HS3ST5: variants seen among roughly 807,000 people sequenced by gnomAD.
The protein encoded by HS3ST5 is heparan sulfate glucosamine 3-O-sulfotransferase 5.
A neutral mutation model predicts 25.4 loss-of-function variants in HS3ST5; 10 were observed. The observed-to-expected ratio is 0.39, with a 90% CI of 0.24 to 0.67. HS3ST5 has a LOEUF of 0.67. HS3ST5 is among the 30% of genes least tolerant of loss of function. HS3ST5 has a pLI of 0.44. For missense variants in HS3ST5, 324 were observed against 420.7 expected (o/e 0.77, Z 2.01); for synonymous variants, 170 against 162.4 (o/e 1.05, Z -0.36).
chr6:114,101,537 A>G (rs546458011), intron 3 of HS3ST5, among the ~76,000 whole-genome samples: 1 of 152,330 alleles, frequency 6.6e-6, no homozygotes, highest in South Asian at 2.1e-4. Context: ...ATTTTCAATA[A>G]AGAAAACTGT....
At chr6:114,180,004 C>G (rs1038136516) in intron 2 of HS3ST5, among the ~76,000 whole-genome samples, 6 of 152,114 alleles carry the variant, frequency 3.9e-5, no homozygotes, top group African/African-American at 1.4e-4. Flanking sequence ...TCTTCTTCCA[C>G]CTTCTTCTGC....
chr6:114,106,949 A>G (rs1027809324), intron 3 of HS3ST5, among the ~76,000 whole-genome samples: 1 of 152,122 alleles, frequency 6.6e-6, no homozygotes, highest in African/African-American at 2.4e-5. Context: ...CAAATGGTAT[A>G]TTTAAAAAAA....
intron 3 of HS3ST5, among the ~76,000 whole-genome samples, chr6:114,113,769 A>G (rs573822496): frequency 2.0e-5 from 3 of 152,130 alleles, no homozygotes; most frequent in African/African-American, 7.2e-5. Context: ...ACGCTAGTCT[A>G]TAAGTTAACA....
intron 1 of HS3ST5, among the ~76,000 whole-genome samples, chr6:114,238,376 T>G (rs1380055542): frequency 6.6e-6 from 1 of 152,216 alleles, no homozygotes; most frequent in African/African-American, 2.4e-5. Context: ...TGTAGAAGAT[T>G]GGCTGTGGCA....
intron 3 of HS3ST5, among the ~76,000 whole-genome samples, chr6:114,156,440 T>C (rs1489804506): frequency 1.3e-5 from 2 of 152,256 alleles, no homozygotes; most frequent in African/African-American, 4.8e-5. Context: ...TATTTTGTAG[T>C]TGTGCTTAAG....
chr6:114,057,207 G>A lies in HS3ST5; in HGVS notation c.*50C>T. Reference sequence around the variant, plus strand: ...AAAGTGCATATTTTAATCTACAGGAGACATTGTGTGTCTCCAGGCACAACA... The same window carrying A: ...AAAGTGCATATTTTAATCTACAGGAAACATTGTGTGTCTCCAGGCACAACA... On this transcript the variant is annotated 3_prime_UTR_variant, in exon 5 of 5. Coordinates refer to ENST00000312719, the MANE Select transcript of HS3ST5 (RefSeq NM_153612.4). The A allele has an allele frequency of 1.5e-6, 2 of 1,295,946 alleles. No individual in the cohort carries two copies. The highest frequency in any genetic ancestry group is 1.3e-5 in the South Asian group (1 of 76,270). The allele number at this position is 1,295,946 out of a possible 1,614,324, so 80.3% of individuals were successfully genotyped here. A position where few individuals can be genotyped will look rare whatever the true frequency, so the allele number is the denominator to read the frequency against.
intron 1 of HS3ST5, among the ~76,000 whole-genome samples, chr6:114,287,889 T>C (rs1774405883): frequency 6.6e-6 from 1 of 152,052 alleles, no homozygotes; most frequent in South Asian, 2.1e-4. Context: ...AAGATGAGAA[T>C]GTCCCCTTTG....
intron 2 of HS3ST5, among the ~76,000 whole-genome samples, chr6:114,209,834 T>C (rs1383542905): frequency 6.6e-6 from 1 of 152,202 alleles, no homozygotes; most frequent in Non-Finnish European, 1.5e-5. Context: ...TGAATGCTTG[T>C]GTATGTTGCT....
At position 114,087,015 on chromosome 6, in the gene HS3ST5, C is replaced by T. The variant is rs77290637; in HGVS notation, c.-32-24138G>A. 4.8e-3 allele frequency among the ~76,000 whole-genome samples: 734 copies of T among 151,928 alleles called. 2 individuals are homozygous for T. Among genetic ancestry groups the T allele is most frequent in the Non-Finnish European group, 8.6e-3 (581 of 67,756 alleles). The stretch of plus-strand genomic sequence containing the variant: ...ATAACTCTCACAGAAGCTGACTCCT[C>T]TCTGTCTTTTCTCAGGTTAAAGCCA... On this transcript the variant is annotated intron_variant, in intron 3 of 4. Transcript: ENST00000312719.
At chr6:114,146,285 T>C (rs1778158281) in intron 3 of HS3ST5, among the ~76,000 whole-genome samples, 1 of 152,194 alleles carries the variant, frequency 6.6e-6, no homozygotes, top group South Asian at 2.1e-4. Context: ...TTTTTAAAGG[T>C]AGTCAACTTT....
At chr6:114,128,262 G>A (rs1001677267) in intron 3 of HS3ST5, among the ~76,000 whole-genome samples, 6 of 151,926 alleles carry the variant, frequency 3.9e-5, no homozygotes, top group Admixed American at 1.3e-4. Context: ...TGTATGCTGC[G>A]TTTTTGTTCC....
chr6:114,137,210 T>C (rs1777661783), intron 3 of HS3ST5, among the ~76,000 whole-genome samples: 1 of 152,204 alleles, frequency 6.6e-6, no homozygotes, highest in African/African-American at 2.4e-5. Flanking sequence ...ATGAGACCAA[T>C]TCCAATTTCT....
chr6:114,322,535 G>T (rs1464396059), intron 1 of HS3ST5, among the ~76,000 whole-genome samples: 1 of 152,050 alleles, frequency 6.6e-6, no homozygotes, highest in African/African-American at 2.4e-5. Context: ...ATTAAAAAAG[G>T]TAACAGTGAA....
At chr6:114,278,139 AG>A (rs1489730434) in intron 1 of HS3ST5, among the ~76,000 whole-genome samples, 1 of 151,942 alleles carries the variant, frequency 6.6e-6, no homozygotes, top group Non-Finnish European at 1.5e-5. Context: ...GAAACCCAAA[AG>A]GGGCAAAGGA....
At chr6:114,267,108 T>C (rs1773436837) in intron 1 of HS3ST5, among the ~76,000 whole-genome samples, 1 of 152,122 alleles carries the variant, frequency 6.6e-6, no homozygotes. Context: ...ACAAAACACA[T>C]TGGACTATCA....
chr6:114,095,380 C>T (rs73554343), intron 3 of HS3ST5, among the ~76,000 whole-genome samples: 2,054 of 152,214 alleles, frequency 0.013, 48 homozygotes, highest in African/African-American at 0.048. Context: ...GCTTCATACC[C>T]GTCAAACTAG....
chr6:114,210,800 C>T (rs1401774), intron 2 of HS3ST5, among the ~76,000 whole-genome samples: 67,038 of 152,060 alleles, frequency 0.44, 14,891 homozygotes, highest in Middle Eastern at 0.49. Context: ...AAAATTTCTA[C>T]GTAAATTGAG....
intron 3 of HS3ST5, among the ~76,000 whole-genome samples, chr6:114,144,547 G>T (rs1315156356): frequency 1.3e-5 from 2 of 152,132 alleles, no homozygotes; most frequent in African/African-American, 4.8e-5. Flanking sequence ...ATTTAATCTT[G>T]AAACTTCTAT....
At chr6:114,252,618 T>C (rs962930952) in intron 1 of HS3ST5, among the ~76,000 whole-genome samples, 1 of 151,484 alleles carries the variant, frequency 6.6e-6, no homozygotes, top group African/African-American at 2.4e-5. Flanking sequence ...TGTTTAAAAA[T>C]GAAAAGCAAT....
Sources: gnomAD v4.1 joint callset for allele counts (sites outside exome capture counted in the v4.1 genomes callset) on GRCh38, gnomAD v4.1.1 for gene constraint, MANE v1.5 for transcripts, NCBI Gene and HGNC (gene_info 2026-07-23, HGNC 2026-07-21) for gene names.